INTS11: variants seen among roughly 807,000 people sequenced by gnomAD.
INTS11 encodes CPSF3-like protein.
INTS11 carries 77 observed loss-of-function variants against 78.6 expected under a neutral mutation model. The observed-to-expected ratio is 0.98, with a 90% CI of 0.81 to 1.18. The LOEUF (loss-of-function observed/expected upper bound fraction) is 1.18, where lower values mean the gene tolerates loss of function less well. Among genes scored for constraint, INTS11 ranks in the 50% most tolerant of loss-of-function variants. The pLI is 0.00. For missense variants in INTS11, 875 were observed against 825.9 expected (o/e 1.06, Z -0.73); for synonymous variants, 441 against 326.9 (o/e 1.35, Z -3.77).
intron 1 of INTS11, among the ~76,000 whole-genome samples, chr1:1,321,496 A>G (rs1405992390): frequency 6.6e-6 from 1 of 152,194 alleles, no homozygotes; most frequent in South Asian, 2.1e-4. Context: ...CAAACCAATG[A>G]GGCCACCTTC....
intron 1 of INTS11, 62 bp from the exon 2 acceptor site, chr1:1,321,155 A>G (rs908916233): frequency 7.0e-5 from 93 of 1,332,538 alleles, no homozygotes; most frequent in Non-Finnish European, 8.7e-5. Flanking sequence ...TGCCTCCCCA[A>G]GCTCTGCAGG....
In INTS11 at chr1:1,312,213, G is replaced by GGGGGGGGGGCCCCCCCCCCCCCCCCC; in HGVS notation, c.1607+12_1607+13insGGGGGGGGGGGGGGGGGCCCCCCCCC. On this transcript the variant is annotated intron_variant, in intron 15 of 16. Coordinates refer to ENST00000435064, the MANE Select transcript of INTS11 (RefSeq NM_017871.6). The stretch of plus-strand genomic sequence containing the variant: ...CCCAAGGGAGTGGGGGGGGGGCGGG[G>GGGGGGGGGGCCCCCCCCCCCCCCCCC]CCGGGCGCCCACCTCTTGAGGTGGC... 1 of 934,620 alleles carries GGGGGGGGGGCCCCCCCCCCCCCCCCC rather than the reference G, an allele frequency of 1.1e-6. No homozygotes were observed. The highest frequency in any genetic ancestry group is 1.6e-6 in the Non-Finnish European group (1 of 636,668). The allele number at this position is 934,620 out of a possible 1,614,324, so 57.9% of individuals were successfully genotyped here.
In INTS11 at chr1:1,315,675, G is replaced by A. The variant is rs1443473184; in HGVS notation, c.430-57C>T. ...TCCTCACAGCAGAGGGGCGGGGAGTGAGGGAGGCGGGGGACGGGAAGCGCG... is the reference window on the plus strand; with the variant it reads ...TCCTCACAGCAGAGGGGCGGGGAGTAAGGGAGGCGGGGGACGGGAAGCGCG... On this transcript the variant is annotated intron_variant, in intron 4 of 16. Coordinates refer to ENST00000435064, the MANE Select transcript of INTS11 (RefSeq NM_017871.6). 3.4e-5 allele frequency: 38 copies of A among 1,123,388 alleles called. 1 individual carries two copies. In the Admixed American group the frequency reaches 3.9e-4, roughly 12 times the overall value. The allele number at this position is 1,123,388 out of a possible 1,614,324, so 69.6% of individuals were successfully genotyped here.
chr1:1,320,902 G>T, intron 2 of INTS11, 94 bp downstream of exon 2: 1 of 1,139,768 alleles, frequency 8.8e-7, no homozygotes, highest in Non-Finnish European at 1.3e-6. Flanking sequence ...AACCACTGCT[G>T]CCCACCACCC....
At chr1:1,319,605 C>T in intron 3 of INTS11, 81 bp from the exon 4 acceptor site, 1 of 991,184 alleles carries the variant, frequency 1.0e-6, no homozygotes, top group Non-Finnish European at 1.5e-6. Flanking sequence ...GGTCACTGGC[C>T]CCTTCATTCG....
chr1:1,312,472 G>A lies in INTS11; in HGVS notation c.1432C>T (p.Leu478Phe). The change falls in exon 14 of 17, where the codon CTC (leucine) becomes TTC (phenylalanine). Residue 478 changes from leucine to phenylalanine, a missense_variant. Coordinates refer to ENST00000435064, the MANE Select transcript of INTS11 (RefSeq NM_017871.6). Reference protein sequence around the residue: ...GLLPEAKKPRLLHGTLIMKDS... With the variant: ...GLLPEAKKPRFLHGTLIMKDS... Reference sequence around the variant, plus strand: ...TTCATGATCAGGGTGCCGTGCAGGAGCCGAGGCTTCTTGGCCTCAGGGAGC... The same window carrying A: ...TTCATGATCAGGGTGCCGTGCAGGAACCGAGGCTTCTTGGCCTCAGGGAGC... 3 of 1,577,096 alleles carry A rather than the reference G, an allele frequency of 1.9e-6. No individual in the cohort carries two copies. Among genetic ancestry groups the A allele is most frequent in the Non-Finnish European group, 2.6e-6 (3 of 1,161,958 alleles).
chr1:1,317,840 G>A (rs756055348), intron 4 of INTS11: 1 of 152,134 alleles, frequency 6.6e-6, no homozygotes, highest in Non-Finnish European at 1.5e-5. Flanking sequence ...CGAGGATAAA[G>A]TAAATCCATT....
In INTS11 at chr1:1,312,216, G is replaced by A. The variant is rs373564983; in HGVS notation, c.1607+10C>T. The A allele has an allele frequency of 4.3e-5, 64 of 1,501,442 alleles. No individual in the cohort carries two copies. Among genetic ancestry groups the A allele is most frequent in the African/African-American group, 3.3e-4 (24 of 72,852 alleles). 93.0% of individuals were successfully genotyped at this position (1,501,442 alleles called of 1,614,324 possible). A position where few individuals can be genotyped will look rare whatever the true frequency, so the allele number is the denominator to read the frequency against. ...AAGGGAGTGGGGGGGGGGCGGGGCC[G>A]GGCGCCCACCTCTTGAGGTGGCTGT... On this transcript the variant is annotated intron_variant, in intron 15 of 16. Transcript: ENST00000435064.
rs545267134 is a variant in INTS11 at position 1,318,771 on chromosome 1, A to G, written c.429+525T>C. The G allele has an allele frequency of 5.6e-6, 3 of 535,922 alleles. No homozygotes were observed. In the East Asian group the frequency reaches 9.2e-5, roughly 16 times the overall value. The allele number at this position is 535,922 out of a possible 1,614,324, so 33.2% of individuals were successfully genotyped here. ...ACCTAATATAGTTTCAAGAAATATA[A>G]AAGCAATACCCAGAGATTCGAGTGA... On this transcript the variant is annotated intron_variant, in intron 4 of 16. Coordinates refer to ENST00000435064, the MANE Select transcript of INTS11 (RefSeq NM_017871.6).
intron 1 of INTS11, chr1:1,323,132 G>A (rs1557645447): frequency 6.5e-7 from 1 of 1,547,802 alleles, no homozygotes; most frequent in South Asian, 1.2e-5. Context: ...GGTGTTCACA[G>A]CACAGTGTCC....
chr1:1,313,234 G>A (rs990328110), intron 10 of INTS11, 110 bp from the exon 11 acceptor site: 368 of 1,273,802 alleles, frequency 2.9e-4, no homozygotes, highest in Non-Finnish European at 8.9e-5. Context: ...ACCTGCCAGC[G>A]GCGCCCGACC....
At chr1:1,311,981 C>T (rs1419783375) in intron 16 of INTS11, 37 bp downstream of exon 16, 12 of 1,596,644 alleles carry the variant, frequency 7.5e-6, no homozygotes, top group Non-Finnish European at 9.4e-6. Context: ...ATGTTGATAC[C>T]TGTGTTGACC....
Position 1,314,926 on chromosome 1 carries a change from G to A in INTS11, c.600C>T (p.Leu200=). ...TCGTGGCGTACGTGGACTCTGTGAT[G>A]AGCAGGTTGGGGCGGCACTTGTCAA... ...AWIDKCRPNL[L]ITESTYATTI... Residue 200 remains leucine (L), a synonymous_variant, in exon 7 of 17, where the codon CTC becomes CTT. Coordinates refer to ENST00000435064, the MANE Select transcript of INTS11 (RefSeq NM_017871.6). The surrounding 1 kb of genome is among the most constrained non-coding windows in gnomAD (Gnocchi z 4.2). 3 of 1,613,092 alleles carry A rather than the reference G, an allele frequency of 1.9e-6. No individual in the cohort carries two copies. Among genetic ancestry groups the A allele is most frequent in the East Asian group, 4.5e-5 (2 of 44,872 alleles).
intron 10 of INTS11, 192 bp downstream of exon 10, chr1:1,313,317 G>T: frequency 1.1e-6 from 1 of 876,570 alleles, no homozygotes; most frequent in Non-Finnish European, 1.8e-6. Flanking sequence ...GGGCTGTTCT[G>T]CCCGAGGTGG....
rs141744359 is a variant in INTS11 at position 1,312,362 on chromosome 1, G to A, written c.1471C>T (p.Arg491Trp). 26 of 1,565,414 alleles carry A rather than the reference G, an allele frequency of 1.7e-5. No individual in the cohort carries two copies. Among genetic ancestry groups the A allele is most frequent in the Middle Eastern group, 1.7e-4 (1 of 5,914 alleles). The change falls in exon 15 of 17, where the codon CGG (arginine) becomes TGG (tryptophan). Residue 491 changes from arginine (R) to tryptophan (W), a missense_variant. Coordinates refer to ENST00000435064, the MANE Select transcript of INTS11 (RefSeq NM_017871.6). ...AGGGCTTGCTCTGAGGACACCAGCC[G>A]GAAGTTCTGTGGGGCAGGGACAGGT... The part of the protein sequence containing the change: ...GTLIMKDSNF[R>W]LVSSEQALKE...
At chr1:1,320,234 T>G in intron 3 of INTS11, 1 of 546,190 alleles carries the variant, frequency 1.8e-6, no homozygotes, top group Non-Finnish European at 3.3e-6. Flanking sequence ...GAGGGCCGGG[T>G]TCAGAAAGTA....
At chr1:1,319,771 T>G in intron 3 of INTS11, 1 of 533,312 alleles carries the variant, frequency 1.9e-6, no homozygotes. Flanking sequence ...CGCGAGACAA[T>G]GCAAAGCTGC....
chr1:1,322,047 G>T, intron 1 of INTS11: 2 of 1,120,758 alleles, frequency 1.8e-6, no homozygotes, highest in Non-Finnish European at 2.4e-6. Flanking sequence ...CTGGGTGTGA[G>T]CTCTCTGAGA....
intron 1 of INTS11, 89 bp downstream of exon 1, chr1:1,324,492 C>G: frequency 7.2e-7 from 1 of 1,391,932 alleles, no homozygotes; most frequent in Non-Finnish European, 9.9e-7. Flanking sequence ...CACCTGGCTC[C>G]ACGAGAAACG....
Sources: allele counts gnomAD v4.1 joint callset (sites outside exome capture counted in the v4.1 genomes callset), GRCh38; gene constraint gnomAD v4.1.1; non-coding constraint Gnocchi (gnomAD v3.1); transcripts MANE v1.5; gene names NCBI Gene and HGNC (gene_info 2026-07-23, HGNC 2026-07-21).